Variants in XYLT1 observed in about 807,000 individuals in gnomAD.
The protein encoded by XYLT1 is beta-D-xylosyltransferase 1.
Under a neutral mutation model 91.3 loss-of-function variants are expected in XYLT1, and 36 were observed. The observed-to-expected ratio is 0.39, with a 90% CI of 0.30 to 0.52. The LOEUF (loss-of-function observed/expected upper bound fraction) is 0.52. XYLT1 is among the 20% of genes least tolerant of loss of function. The probability of loss-of-function intolerance (pLI) is 0.68; values close to 1 mark genes in which losing one functional copy is unlikely to be tolerated. For synonymous variants in XYLT1, 588 were observed against 532.0 expected, an observed-to-expected ratio of 1.11 and a Z score of -1.45; for missense variants, 1,242 against 1,284.5, an observed-to-expected ratio of 0.97 and a Z score of 0.51.
At chr16:17,420,301 A>G (rs1319625756) in intron 1 of XYLT1, among the ~76,000 whole-genome samples, 1 of 152,252 alleles carries the variant, frequency 6.6e-6, no homozygotes, top group Admixed American at 6.5e-5. Context: ...TGAGCCAGGA[A>G]GTAATGGCTA....
intron 10 of XYLT1, among the ~76,000 whole-genome samples, chr16:17,120,389 C>T (rs2030005204): frequency 6.6e-6 from 1 of 152,002 alleles, no homozygotes; most frequent in Non-Finnish European, 1.5e-5. Context: ...TATCCCTCTC[C>T]CTCCCTTCCA....
chr16:17,299,904 C>T (rs1413914081), intron 2 of XYLT1, among the ~76,000 whole-genome samples: 1 of 152,190 alleles, frequency 6.6e-6, no homozygotes, highest in Non-Finnish European at 1.5e-5. Flanking sequence ...ATTAACGACC[C>T]TTTTTCAAAG....
At chr16:17,236,918 T>C (rs953226169) in intron 3 of XYLT1, among the ~76,000 whole-genome samples, 2 of 152,200 alleles carry the variant, frequency 1.3e-5, no homozygotes, top group African/African-American at 2.4e-5. Context: ...TAAGGCCACA[T>C]TCACAAGTCC....
At chr16:17,421,046 C>G (rs1206827040) in intron 1 of XYLT1, among the ~76,000 whole-genome samples, 1 of 152,198 alleles carries the variant, frequency 6.6e-6, no homozygotes, top group Non-Finnish European at 1.5e-5. Flanking sequence ...TCTGCCACAG[C>G]TGTGACTTGT....
chr16:17,310,260 C>A (rs888919277), intron 2 of XYLT1, among the ~76,000 whole-genome samples: 14 of 152,184 alleles, frequency 9.2e-5, no homozygotes, highest in Admixed American at 7.2e-4. Context: ...TTTGCACATG[C>A]CACTTCCTCT....
At position 17,345,117 on chromosome 16, in the gene XYLT1, C is replaced by T. The variant is rs568851145; in HGVS notation, c.402+12895G>A. Among the ~76,000 whole-genome samples, 8 of 152,306 alleles carry T rather than the reference C, an allele frequency of 5.3e-5. No homozygotes were observed. The East Asian group carries it at 7.7e-4, about 15-fold the overall frequency. ...AGACCCAAGGGGCCAGCTGTTGGCC[C>T]GTTTTTATTTCCTTAGAAGATGTCT... is the stretch of plus-strand genomic sequence containing the variant. On this transcript the variant is annotated intron_variant, in intron 2 of 11. Coordinates refer to ENST00000261381, the MANE Select transcript of XYLT1 (RefSeq NM_022166.4).
intron 3 of XYLT1, among the ~76,000 whole-genome samples, chr16:17,214,550 C>T (rs771292220): frequency 4.6e-5 from 7 of 152,130 alleles, no homozygotes; most frequent in African/African-American, 9.7e-5. Context: ...TGGTGTTTTA[C>T]GCCACTAAGT....
At chr16:17,418,015 C>G (rs984723772) in intron 1 of XYLT1, among the ~76,000 whole-genome samples, 7 of 152,202 alleles carry the variant, frequency 4.6e-5, no homozygotes, top group Non-Finnish European at 7.3e-5. Flanking sequence ...GCAACCACCA[C>G]AGCCAAACCT....
chr16:17,385,470 C>T (rs2035737769), intron 1 of XYLT1, among the ~76,000 whole-genome samples: 1 of 151,740 alleles, frequency 6.6e-6, no homozygotes, highest in African/African-American at 2.4e-5. Flanking sequence ...TTTCTGGCAC[C>T]TCACATAGCC....
intron 2 of XYLT1, among the ~76,000 whole-genome samples, chr16:17,292,107 T>C (rs60633054): frequency 5.1e-5 from 7 of 138,072 alleles, no homozygotes; most frequent in Admixed American, 2.5e-4. Context: ...CACACACACA[T>C]ATACACATAT....
chr16:17,218,008 G>A (rs1369933724), intron 3 of XYLT1, among the ~76,000 whole-genome samples: 1 of 151,758 alleles, frequency 6.6e-6, no homozygotes, highest in South Asian at 2.1e-4. Flanking sequence ...AGCGGTTCAC[G>A]CCTGTAATCC....
intron 3 of XYLT1, among the ~76,000 whole-genome samples, chr16:17,231,369 G>A (rs545007525): frequency 2.0e-5 from 3 of 152,270 alleles, no homozygotes; most frequent in South Asian, 4.1e-4. Flanking sequence ...ACAGGCAGTG[G>A]GGGGCAGTGG....
intron 1 of XYLT1, among the ~76,000 whole-genome samples, chr16:17,396,091 G>A (rs1295942649): frequency 6.6e-6 from 1 of 152,180 alleles, no homozygotes; most frequent in Non-Finnish European, 1.5e-5. Flanking sequence ...TCTGGCTTGG[G>A]AAAGTTTGTC....
At chr16:17,224,449 G>A (rs1012853639) in intron 3 of XYLT1, among the ~76,000 whole-genome samples, 6 of 152,174 alleles carry the variant, frequency 3.9e-5, no homozygotes, top group Non-Finnish European at 7.3e-5. Context: ...GTCTTATTTC[G>A]CAGTCTTATC....
chr16:17,217,365 TGAA>T (rs1417380854), intron 3 of XYLT1, among the ~76,000 whole-genome samples: 1 of 152,112 alleles, frequency 6.6e-6, no homozygotes, highest in East Asian at 1.9e-4. Flanking sequence ...CAGAACAATA[TGAA>T]GTAAAAAAAA....
intron 3 of XYLT1, among the ~76,000 whole-genome samples, chr16:17,234,164 C>T (rs1264169624): frequency 6.6e-6 from 1 of 152,138 alleles, no homozygotes; most frequent in African/African-American, 2.4e-5. Flanking sequence ...GAGGAAAAAC[C>T]TTAGACTGGA....
At chr16:17,336,551 C>T (rs544102599) in intron 2 of XYLT1, among the ~76,000 whole-genome samples, 2 of 152,078 alleles carry the variant, frequency 1.3e-5, no homozygotes, top group African/African-American at 2.4e-5. Flanking sequence ...GATATGGATG[C>T]GTGTACAGAT....
At chr16:17,225,931 A>G (rs1167035535) in intron 3 of XYLT1, among the ~76,000 whole-genome samples, 2 of 152,136 alleles carry the variant, frequency 1.3e-5, no homozygotes, top group African/African-American at 2.4e-5. Context: ...GATTTTTGTA[A>G]ATTACATATT....
chr16:17,271,451 G>C (rs2033891846), intron 2 of XYLT1, among the ~76,000 whole-genome samples: 1 of 152,116 alleles, frequency 6.6e-6, no homozygotes, highest in Non-Finnish European at 1.5e-5. Flanking sequence ...CACAGAGAGA[G>C]AGACAGAGAG....
Sources: allele counts gnomAD v4.1 joint callset (sites outside exome capture counted in the v4.1 genomes callset), GRCh38; gene constraint gnomAD v4.1.1; transcripts MANE v1.5; gene names NCBI Gene and HGNC (gene_info 2026-07-23, HGNC 2026-07-21).